The following DOK5 variants were observed in gnomAD, a reference collection of about 807,000 sequenced individuals.
DOK5 encodes downstream of tyrosine kinase 5.
A neutral mutation model predicts 43.3 loss-of-function variants in DOK5; 27 were observed. The ratio of observed to expected loss-of-function variants is 0.62; its 90% CI spans 0.46 to 0.86. The LOEUF (loss-of-function observed/expected upper bound fraction) is 0.86. DOK5 is among the 40% of genes least tolerant of loss of function. DOK5 has a pLI of 0.00. For synonymous variants in DOK5, 146 were observed against 140.1 expected (o/e 1.04, Z -0.30); for missense variants, 373 against 392.9 (o/e 0.95, Z 0.43).
chr20:54,509,017 C>T (rs1016184234), intron 1 of DOK5, among the ~76,000 whole-genome samples: 1 of 152,042 alleles, frequency 6.6e-6, no homozygotes, highest in Non-Finnish European at 1.5e-5. Flanking sequence ...GCTGGGATTA[C>T]AGGCACACGC....
At chr20:54,616,766 C>CTTTCTTTTTTTTTT (rs1226742274) in intron 6 of DOK5, among the ~76,000 whole-genome samples, 2 of 119,962 alleles carry the variant, frequency 1.7e-5, no homozygotes, top group Non-Finnish European at 3.4e-5. Flanking sequence ...GAAGGATCCA[C>CTTTCTTTTTTTTTT]TTTCTTTTTT....
intron 1 of DOK5, among the ~76,000 whole-genome samples, chr20:54,476,696 C>G (rs564653146): frequency 1.3e-5 from 2 of 152,248 alleles, no homozygotes; most frequent in South Asian, 2.1e-4. Flanking sequence ...CCTGGCATAG[C>G]GCAAGTGCTC....
intron 1 of DOK5, among the ~76,000 whole-genome samples, chr20:54,553,176 T>A: frequency 6.9e-6 from 1 of 145,566 alleles, no homozygotes; most frequent in East Asian, 1.9e-4. Flanking sequence ...TTGTTTTGGG[T>A]TTTTTCCTAA....
At chr20:54,590,242 A>G (rs775780654) in intron 4 of DOK5, among the ~76,000 whole-genome samples, 1 of 152,166 alleles carries the variant, frequency 6.6e-6, no homozygotes, top group Non-Finnish European at 1.5e-5. Context: ...GCTCTGGTCT[A>G]CAAGTATCAG....
rs908864818 is a variant in DOK5 at position 54,531,201 on chromosome 20, G to T, written c.67-23732G>T. Among the ~76,000 whole-genome samples the T allele has an allele frequency of 3.9e-5, 6 of 152,320 alleles. No homozygotes were observed. The South Asian group carries it at 1.0e-3, about 26-fold the overall frequency. Reference sequence around the variant, plus strand: ...GAAACTATATTCTGAACGTTTGTTAGTGTCACTCCACTTTCATATATTATG... The same window carrying T: ...GAAACTATATTCTGAACGTTTGTTATTGTCACTCCACTTTCATATATTATG... On this transcript the variant is annotated intron_variant, in intron 1 of 7. Coordinates refer to ENST00000262593, the MANE Select transcript of DOK5 (RefSeq NM_018431.5).
chr20:54,477,403 T>C (rs1022173738), intron 1 of DOK5, among the ~76,000 whole-genome samples: 2 of 152,202 alleles, frequency 1.3e-5, no homozygotes, highest in African/African-American at 2.4e-5. Context: ...TGTCCTGTGT[T>C]ATTGTGAATA....
At chr20:54,647,016 C>T (rs1036129565) in intron 7 of DOK5, among the ~76,000 whole-genome samples, 7 of 151,856 alleles carry the variant, frequency 4.6e-5, no homozygotes, top group Non-Finnish European at 8.8e-5. Context: ...TCTTCGAGAG[C>T]CCCCTGCTGG....
intron 7 of DOK5, among the ~76,000 whole-genome samples, chr20:54,649,416 C>CAAATA (rs139528756): frequency 0.022 from 3,291 of 152,028 alleles, 32 homozygotes; most frequent in Middle Eastern, 0.1. Flanking sequence ...AAAATACATA[C>CAAATA]AAATAAAATA....
At chr20:54,588,299 G>A (rs1251486978) in intron 2 of DOK5, among the ~76,000 whole-genome samples, 184 bp from the exon 3 acceptor site, 1 of 152,166 alleles carries the variant, frequency 6.6e-6, no homozygotes, top group Non-Finnish European at 1.5e-5. Context: ...AACCATCCTT[G>A]CGGTGTGTTA....
Position 54,634,720 on chromosome 20 carries a change from C to T in DOK5, c.736-8738C>T, listed in dbSNP as rs560219594. Among the ~76,000 whole-genome samples, 4 of 151,506 alleles carry T rather than the reference C, an allele frequency of 2.6e-5. No individual in the cohort carries two copies. In the South Asian group the frequency reaches 8.3e-4, roughly 32 times the overall value. ...CCTCCCAAAGTGCCGGGATTAATATCATGCTTTTAAAATAATCTTCAGGGC... is the reference window on the plus strand; with the variant it reads ...CCTCCCAAAGTGCCGGGATTAATATTATGCTTTTAAAATAATCTTCAGGGC... On this transcript the variant is annotated intron_variant, in intron 6 of 7. Coordinates refer to ENST00000262593, the MANE Select transcript of DOK5 (RefSeq NM_018431.5).
intron 1 of DOK5, among the ~76,000 whole-genome samples, chr20:54,513,105 C>G (rs928628752): frequency 6.6e-6 from 1 of 152,102 alleles, no homozygotes; most frequent in Non-Finnish European, 1.5e-5. Flanking sequence ...TCTGGTGAAG[C>G]CCTTTAATAA....
At chr20:54,638,079 G>T (rs1978922514) in intron 6 of DOK5, among the ~76,000 whole-genome samples, 1 of 144,474 alleles carries the variant, frequency 6.9e-6, no homozygotes, top group African/African-American at 2.6e-5. Context: ...CCGAGATCAT[G>T]TCACTGCATT....
intron 6 of DOK5, among the ~76,000 whole-genome samples, chr20:54,620,589 A>G (rs1156413441): frequency 1.3e-5 from 2 of 152,216 alleles, no homozygotes; most frequent in Non-Finnish European, 2.9e-5. Context: ...AGTTTTAAAT[A>G]TACCCCTTAT....
At chr20:54,509,977 G>A (rs545655074) in intron 1 of DOK5, among the ~76,000 whole-genome samples, 1 of 152,158 alleles carries the variant, frequency 6.6e-6, no homozygotes, top group South Asian at 2.1e-4. Context: ...GGGAGGGAGA[G>A]CATTAGGGAA....
chr20:54,647,499 C>G (rs1979489304), intron 7 of DOK5, among the ~76,000 whole-genome samples: 1 of 144,534 alleles, frequency 6.9e-6, no homozygotes. Context: ...GAGTGAAACT[C>G]TGTCTCAGTT....
At chr20:54,637,680 T>G (rs948609446) in intron 6 of DOK5, among the ~76,000 whole-genome samples, 1 of 152,266 alleles carries the variant, frequency 6.6e-6, no homozygotes, top group Admixed American at 6.5e-5. Flanking sequence ...TCTAATTTGA[T>G]AGCTTGGTTA....
intron 1 of DOK5, among the ~76,000 whole-genome samples, chr20:54,500,557 ATT>A (rs545357915): frequency 2.9e-4 from 33 of 115,452 alleles, no homozygotes; most frequent in African/African-American, 6.7e-4. Flanking sequence ...TACCCAGTGT[ATT>A]TTTTTTTTTT....
In DOK5 at chr20:54,522,375, G is replaced by A. The variant is rs1053499282; in HGVS notation, c.67-32558G>A. 1.3e-4 allele frequency among the ~76,000 whole-genome samples: 20 copies of A among 152,110 alleles called. 1 individual carries two copies. The highest frequency in any genetic ancestry group is 2.2e-4 in the Non-Finnish European group (15 of 68,026). On this transcript the variant is annotated intron_variant, in intron 1 of 7. Coordinates refer to ENST00000262593, the MANE Select transcript of DOK5 (RefSeq NM_018431.5). Reference sequence around the variant, plus strand: ...AGTACTTACTGAATGAATTACTTACGTGAATTAAATTGGACATTAATTAAT... The same window carrying A: ...AGTACTTACTGAATGAATTACTTACATGAATTAAATTGGACATTAATTAAT...
At chr20:54,561,533 TG>T (rs1984906230) in intron 2 of DOK5, among the ~76,000 whole-genome samples, 1 of 152,260 alleles carries the variant, frequency 6.6e-6, no homozygotes, top group Non-Finnish European at 1.5e-5. Context: ...AGGTGAAGCC[TG>T]GAACTGGGTG....
Sources: allele counts gnomAD v4.1 joint callset (sites outside exome capture counted in the v4.1 genomes callset), GRCh38; gene constraint gnomAD v4.1.1; transcripts MANE v1.5; gene names NCBI Gene and HGNC (gene_info 2026-07-23, HGNC 2026-07-21).